DLGAP2: variants seen among roughly 807,000 people sequenced by gnomAD.
DLGAP2 encodes the protein disks large-associated protein 2.
DLGAP2 carries 26 observed loss-of-function variants against 100.3 expected under a neutral mutation model. The observed-to-expected ratio is 0.26, with a 90% CI of 0.19 to 0.36. The LOEUF (loss-of-function observed/expected upper bound fraction) is 0.36, where lower values mean the gene tolerates loss of function less well. DLGAP2 is among the 10% of genes least tolerant of loss of function. The pLI, the probability that DLGAP2 is intolerant of heterozygous loss-of-function variation, is 1.00. For synonymous variants in DLGAP2, 886 were observed against 630.1 expected, an observed-to-expected ratio of 1.41 and a Z score of -6.08; for missense variants, 1,858 against 1,453.2, an observed-to-expected ratio of 1.28 and a Z score of -4.53.
chr8:1,675,620 C>T (rs1436941719), intron 10 of DLGAP2, among the ~76,000 whole-genome samples: 5 of 152,172 alleles, frequency 3.3e-5, no homozygotes, highest in Non-Finnish European at 1.5e-5. Context: ...ATATTTCATG[C>T]TTTGCACCTT....
At chr8:1,504,788 A>C (rs1334584818) in intron 4 of DLGAP2, among the ~76,000 whole-genome samples, 2 of 152,138 alleles carry the variant, frequency 1.3e-5, no homozygotes, top group African/African-American at 4.8e-5. Context: ...GATGGGCTTG[A>C]GGTTGGTTCT....
chr8:988,176 T>G lies in DLGAP2; in HGVS notation c.73+80210T>G, dbSNP rs113161475. The stretch of plus-strand genomic sequence containing the variant: ...TCGCATGATTTTTATGTGGAATGTA[T>G]TTTCTAAAGAGTATGTATTTAGTAC... On this transcript the variant is annotated intron_variant, in intron 2 of 14. Coordinates refer to ENST00000637795, the MANE Select transcript of DLGAP2 (RefSeq NM_001346810.2). Among the ~76,000 whole-genome samples the G allele has an allele frequency of 2.7e-3, 407 of 152,338 alleles. 4 individuals are homozygous for G. Among genetic ancestry groups the G allele is most frequent in the African/African-American group, 9.4e-3 (390 of 41,572 alleles).
At chr8:944,833 C>T (rs1417995874) in intron 2 of DLGAP2, among the ~76,000 whole-genome samples, 1 of 151,740 alleles carries the variant, frequency 6.6e-6, no homozygotes, top group Admixed American at 6.6e-5. Flanking sequence ...GTAATGATCC[C>T]TGCGGGTGAT....
chr8:889,490 G>A (rs966820606), intron 1 of DLGAP2, among the ~76,000 whole-genome samples: 1 of 152,168 alleles, frequency 6.6e-6, no homozygotes, highest in Non-Finnish European at 1.5e-5. Flanking sequence ...GCTTCTGGCT[G>A]GAGTTATTGG....
rs552895220 is a variant in DLGAP2 at position 937,162 on chromosome 8, C to G, written c.73+29196C>G. The stretch of plus-strand genomic sequence containing the variant: ...CCTCAAGTCTCCCTCGCTCGCCTGA[C>G]GAGGTGCTGCCTGTCTTGCTGTTGT... On this transcript the variant is annotated intron_variant, in intron 2 of 14. Coordinates refer to ENST00000637795, the MANE Select transcript of DLGAP2 (RefSeq NM_001346810.2). Among the ~76,000 whole-genome samples the G allele has an allele frequency of 1.3e-4, 20 of 152,308 alleles. No individual in the cohort carries two copies. In the South Asian group the frequency reaches 2.1e-3, roughly 16 times the overall value.
chr8:876,293 T>C (rs1485618272), intron 1 of DLGAP2, among the ~76,000 whole-genome samples: 2 of 152,228 alleles, frequency 1.3e-5, no homozygotes, highest in African/African-American at 4.8e-5. Context: ...GAACTTTCTT[T>C]AGAATTACTT....
At chr8:946,269 G>GGT (rs1554450505) in intron 2 of DLGAP2, among the ~76,000 whole-genome samples, 10 of 140,190 alleles carry the variant, frequency 7.1e-5, no homozygotes, top group African/African-American at 2.6e-4. Context: ...TGTTTCTTAG[G>GGT]TTTTTTTTTT....
chr8:1,582,906 A>G (rs1384958482), intron 6 of DLGAP2, among the ~76,000 whole-genome samples: 3 of 152,036 alleles, frequency 2.0e-5, no homozygotes, highest in Non-Finnish European at 4.4e-5. Flanking sequence ...GGGCAGCAGG[A>G]ACTTAGAACT....
At chr8:1,124,668 G>A (rs1176848796) in intron 2 of DLGAP2, among the ~76,000 whole-genome samples, 2 of 152,166 alleles carry the variant, frequency 1.3e-5, no homozygotes, top group African/African-American at 4.8e-5. Context: ...GCTAATCTGT[G>A]TTTTTGATCC....
chr8:1,657,624 T>C (rs1798313810), intron 8 of DLGAP2, among the ~76,000 whole-genome samples: 1 of 152,244 alleles, frequency 6.6e-6, no homozygotes, highest in African/African-American at 2.4e-5. Flanking sequence ...CACACAGGGC[T>C]GTACAGGCAC....
intron 2 of DLGAP2, among the ~76,000 whole-genome samples, chr8:1,089,581 C>T (rs116327104): frequency 1.8e-4 from 27 of 152,320 alleles, no homozygotes; most frequent in African/African-American, 6.5e-4. Context: ...AGCACTGAGG[C>T]CCACTGCTCA....
chr8:818,871 A>T (rs917323621), intron 1 of DLGAP2, among the ~76,000 whole-genome samples: 5 of 152,250 alleles, frequency 3.3e-5, no homozygotes, highest in African/African-American at 1.2e-4. Flanking sequence ...TTTCTTGGTG[A>T]CTATAAATGA....
intron 1 of DLGAP2, among the ~76,000 whole-genome samples, chr8:905,703 C>T (rs1177040299): frequency 2.0e-5 from 3 of 152,084 alleles, no homozygotes; most frequent in Non-Finnish European, 4.4e-5. Flanking sequence ...GAGGGGTGGT[C>T]ACGGGAGCTG....
chr8:1,045,984 T>G (rs1802502876), intron 2 of DLGAP2, among the ~76,000 whole-genome samples: 1 of 152,042 alleles, frequency 6.6e-6, no homozygotes, highest in South Asian at 2.1e-4. Context: ...GGTAAAGCCT[T>G]TGGGTTTTAA....
At chr8:1,385,986 T>C (rs540547372) in intron 3 of DLGAP2, among the ~76,000 whole-genome samples, 160 of 152,386 alleles carry the variant, frequency 1.0e-3, no homozygotes, top group African/African-American at 3.4e-3. Context: ...GATCTGAAGA[T>C]TGGAGCAATT....
rs1169615165 is a variant in DLGAP2, at chr8:1,701,928, C to A, written c.*522C>A. The A allele has an allele frequency of 6.6e-6, 1 of 152,628 alleles. No individual in the cohort carries two copies. The highest frequency in any genetic ancestry group is 2.4e-5 in the African/African-American group (1 of 41,432). 9.5% of individuals were successfully genotyped at this position (152,628 alleles called of 1,614,324 possible). A position where few individuals can be genotyped will look rare whatever the true frequency, so the allele number is the denominator to read the frequency against. On this transcript the variant is annotated 3_prime_UTR_variant, in exon 15 of 15. Transcript: ENST00000637795. ...CGAGCTTTTACTCCCTGAGCACGGG[C>A]CGCTCCGCTCCCCTGCTCCTGTCTG...
At chr8:1,675,236 C>T (rs1176487245) in intron 10 of DLGAP2, among the ~76,000 whole-genome samples, 3 of 152,230 alleles carry the variant, frequency 2.0e-5, no homozygotes, top group Admixed American at 6.5e-5. Flanking sequence ...AGGGTTTTCT[C>T]GCGCTCTGTC....
chr8:1,529,799 A>C (rs1302027451), intron 4 of DLGAP2, among the ~76,000 whole-genome samples: 1 of 152,214 alleles, frequency 6.6e-6, no homozygotes, highest in Non-Finnish European at 1.5e-5. Context: ...AAAGGGACAG[A>C]CTACAAAAGA....
At chr8:1,376,171 C>G (rs538945739) in intron 3 of DLGAP2, among the ~76,000 whole-genome samples, 3 of 152,218 alleles carry the variant, frequency 2.0e-5, no homozygotes, top group African/African-American at 7.2e-5. Context: ...AGACAAACAT[C>G]AGCCATGAAA....
Sources: gnomAD v4.1 joint callset for allele counts (sites outside exome capture counted in the v4.1 genomes callset) on GRCh38, gnomAD v4.1.1 for gene constraint, MANE v1.5 for transcripts, NCBI Gene and HGNC (gene_info 2026-07-23, HGNC 2026-07-21) for gene names.